DLGAP1: variants seen among roughly 807,000 people sequenced by gnomAD.
The protein encoded by DLGAP1 is disks large-associated protein 1.
A neutral mutation model predicts 90.8 loss-of-function variants in DLGAP1; 11 were observed. That is an observed-to-expected ratio of 0.12 (90% CI 0.08 to 0.20). The LOEUF (loss-of-function observed/expected upper bound fraction) is 0.20, where lower values mean the gene tolerates loss of function less well. Ranked by LOEUF, DLGAP1 falls within the 10% of genes least tolerant of loss-of-function variation. The pLI is 1.00. For missense variants in DLGAP1, 1,050 were observed against 1,333.8 expected (o/e 0.79, Z 3.31); for synonymous variants, 558 against 540.7 (o/e 1.03, Z -0.44).
At chr18:4,345,604 A>C (rs914294348) in intron 1 of DLGAP1, among the ~76,000 whole-genome samples, 9 of 152,216 alleles carry the variant, frequency 5.9e-5, no homozygotes, top group African/African-American at 1.4e-4. Flanking sequence ...AGTTATACCC[A>C]AAAATAAGAA....
intron 7 of DLGAP1, among the ~76,000 whole-genome samples, chr18:3,709,515 T>C (rs1278122409): frequency 6.6e-6 from 1 of 152,192 alleles, no homozygotes; most frequent in Non-Finnish European, 1.5e-5. Flanking sequence ...GTCCACTGTA[T>C]ACAATCCCTT....
chr18:3,954,671 A>T (rs1164314146), intron 3 of DLGAP1, among the ~76,000 whole-genome samples: 1 of 152,212 alleles, frequency 6.6e-6, no homozygotes, highest in Non-Finnish European at 1.5e-5. Flanking sequence ...TAAATACAAG[A>T]TTAGGAACTT....
chr18:4,323,947 A>G (rs1466977420), intron 1 of DLGAP1, among the ~76,000 whole-genome samples: 7 of 152,172 alleles, frequency 4.6e-5, no homozygotes, highest in Non-Finnish European at 1.0e-4. Context: ...ACCACCTAAC[A>G]TAACAACTGG....
At chr18:3,580,996 T>G (rs1430931352) in intron 8 of DLGAP1, among the ~76,000 whole-genome samples, 1 of 152,164 alleles carries the variant, frequency 6.6e-6, no homozygotes. Context: ...TTTTGCTGCT[T>G]CTTGGTACCC....
At chr18:4,244,270 A>G (rs2078607440) in intron 1 of DLGAP1, among the ~76,000 whole-genome samples, 1 of 152,212 alleles carries the variant, frequency 6.6e-6, no homozygotes, top group Non-Finnish European at 1.5e-5. Context: ...CACACAGATC[A>G]GATTACTGTG....
intron 7 of DLGAP1, among the ~76,000 whole-genome samples, chr18:3,663,875 T>C (rs1453713813): frequency 6.6e-6 from 1 of 152,176 alleles, no homozygotes; most frequent in Non-Finnish European, 1.5e-5. Context: ...CTGGATGAGA[T>C]TAACATTTGG....
At position 3,814,061 on chromosome 18, in the gene DLGAP1, G is replaced by A; in HGVS notation, c.1170C>T (p.Leu390=). 3 of 1,613,666 alleles carry A rather than the reference G, an allele frequency of 1.9e-6. No individual in the cohort carries two copies. The highest frequency in any genetic ancestry group is 1.1e-5 in the South Asian group (1 of 91,076). The change falls in exon 5 of 13, where the codon CTC becomes CTT. Residue 390 remains leucine (L), a splice_region_variant and synonymous_variant. Transcript: ENST00000315677. ...TQPSLTELTT[L]KISNEHSPKL... is the part of the protein sequence containing the mutation. ...AGTGCAGGGTTAGGACTACTCACTTGAGTGTGGTGAGTTCTGTAAGGGATG... is the reference window on the plus strand; with the variant it reads ...AGTGCAGGGTTAGGACTACTCACTTAAGTGTGGTGAGTTCTGTAAGGGATG...
intron 12 of DLGAP1, chr18:3,502,093 T>C (rs2049970067): frequency 2.1e-6 from 2 of 970,628 alleles, no homozygotes; most frequent in African/African-American, 1.7e-5. Flanking sequence ...CAGGGCATCC[T>C]ATTTTTCTTG....
intron 1 of DLGAP1, among the ~76,000 whole-genome samples, chr18:4,438,425 C>G (rs1482359557): frequency 1.0e-5 from 1 of 97,086 alleles, no homozygotes; most frequent in Middle Eastern, 8.2e-3. Flanking sequence ...GAGCGAGACT[C>G]CATCTCAAAA....
intron 1 of DLGAP1, among the ~76,000 whole-genome samples, chr18:4,162,202 G>A (rs941440965): frequency 6.6e-6 from 1 of 152,122 alleles, no homozygotes; most frequent in Non-Finnish European, 1.5e-5. Context: ...GATCCAAAGC[G>A]ATAATGTCTC....
intron 5 of DLGAP1, among the ~76,000 whole-genome samples, chr18:3,787,138 C>T (rs914843954): frequency 1.3e-5 from 1 of 78,596 alleles, no homozygotes; most frequent in Non-Finnish European, 4.2e-5. Context: ...AAAATAGGAA[C>T]ATCATGAAAT....
At chr18:4,391,654 C>G (rs1055893331) in intron 1 of DLGAP1, among the ~76,000 whole-genome samples, 1 of 152,072 alleles carries the variant, frequency 6.6e-6, no homozygotes, top group Non-Finnish European at 1.5e-5. Flanking sequence ...CTGGTCCTTC[C>G]TAGAAGCATA....
At chr18:3,534,960 G>A (rs2052256578) in intron 9 of DLGAP1, among the ~76,000 whole-genome samples, 1 of 151,966 alleles carries the variant, frequency 6.6e-6, no homozygotes, top group African/African-American at 2.4e-5. Context: ...CCAAAGTGCT[G>A]GGATTACAGG....
intron 1 of DLGAP1, among the ~76,000 whole-genome samples, chr18:4,413,363 C>T (rs281018): frequency 0.063 from 9,658 of 152,270 alleles, 400 homozygotes; most frequent in Middle Eastern, 0.23. Flanking sequence ...TGCACCTCCT[C>T]CATCCCCTCT....
Position 3,980,100 on chromosome 18 carries a change from C to T in DLGAP1, c.-73+25016G>A, listed in dbSNP as rs187222888. 3.4e-3 allele frequency among the ~76,000 whole-genome samples: 523 copies of T among 152,058 alleles called. 4 individuals carry two copies. The Middle Eastern group carries it at 0.041, about 12-fold the overall frequency. On this transcript the variant is annotated intron_variant, in intron 3 of 12. Coordinates refer to ENST00000315677, the MANE Select transcript of DLGAP1 (RefSeq NM_004746.4). Reference sequence around the variant, plus strand: ...ACAGTAAGCCAAGATAGTGCCATTGCGCTCCAGCCTGAGTGACAAAGCGAG... The same window carrying T: ...ACAGTAAGCCAAGATAGTGCCATTGTGCTCCAGCCTGAGTGACAAAGCGAG...
chr18:3,691,521 C>T (rs529884652), intron 7 of DLGAP1, among the ~76,000 whole-genome samples: 179 of 151,920 alleles, frequency 1.2e-3, no homozygotes, highest in African/African-American at 4.0e-3. Flanking sequence ...ATTTATGGGC[C>T]TGTATTTACA....
intron 1 of DLGAP1, among the ~76,000 whole-genome samples, chr18:4,337,793 T>C (rs548553203): frequency 7.2e-4 from 109 of 152,344 alleles, no homozygotes; most frequent in African/African-American, 2.4e-3. Flanking sequence ...GCTACTTTTA[T>C]ACTGGAGCCA....
chr18:4,281,218 C>A (rs1190036522), intron 1 of DLGAP1, among the ~76,000 whole-genome samples: 1 of 152,102 alleles, frequency 6.6e-6, no homozygotes, highest in Non-Finnish European at 1.5e-5. Context: ...AATGTTACAG[C>A]CTAAAGTTGT....
chr18:3,846,989 T>G (rs2069052247), intron 4 of DLGAP1, among the ~76,000 whole-genome samples: 2 of 152,220 alleles, frequency 1.3e-5, no homozygotes, highest in South Asian at 4.1e-4. Flanking sequence ...GATTTGTGAA[T>G]GTTAAATTAA....
Sources: allele counts gnomAD v4.1 joint callset (sites outside exome capture counted in the v4.1 genomes callset), GRCh38; gene constraint gnomAD v4.1.1; transcripts MANE v1.5; gene names NCBI Gene and HGNC (gene_info 2026-07-23, HGNC 2026-07-21).